The following ATR variants were observed in gnomAD, a reference collection of about 807,000 sequenced individuals.
The protein encoded by ATR is ATR checkpoint kinase.
Under a neutral mutation model 305.3 loss-of-function variants are expected in ATR, and 142 were observed. The ratio of observed to expected loss-of-function variants is 0.47; its 90% CI spans 0.41 to 0.53. The LOEUF (loss-of-function observed/expected upper bound fraction) is 0.53. Ranked by LOEUF, ATR falls within the 20% of genes least tolerant of loss-of-function variation. The pLI, the probability that ATR is intolerant of heterozygous loss-of-function variation, is 0.00. For synonymous variants in ATR, 1,050 were observed against 1,068.1 expected (o/e 0.98, Z 0.33); for missense variants, 2,135 against 3,133.1 (o/e 0.68, Z 7.60).
At chr3:142,474,771 T>C (rs1401159153) in intron 36 of ATR, among the ~76,000 whole-genome samples, 8 of 152,294 alleles carry the variant, frequency 5.3e-5, no homozygotes, top group Middle Eastern at 3.4e-3. Flanking sequence ...ATATTGAATA[T>C]AAGTGGCAAG....
rs746692662 is a variant in ATR, at chr3:142,562,260, T to A, written c.1142A>T (p.Asp381Val). The change falls in exon 4 of 47, where the codon GAT becomes GTT. Residue 381 changes from aspartate to valine, a missense_variant. Asp to Val is a radical substitution (Grantham distance 152). Transcript: ENST00000350721. ...YVRNICKALL[D>V]VLGIEVDAEY... Reference sequence around the variant, plus strand: ...TGCATCTACCTCAATTCCAAGCACATCCAAAAGAGCTTTACAAATATTTCT... The same window carrying A: ...TGCATCTACCTCAATTCCAAGCACAACCAAAAGAGCTTTACAAATATTTCT... The A allele has an allele frequency of 1.5e-5, 25 of 1,614,068 alleles. No homozygotes were observed. The highest frequency in any genetic ancestry group is 2.0e-5 in the Non-Finnish European group (24 of 1,179,986).
chr3:142,471,440 T>C lies in ATR; in HGVS notation c.6222-1257A>G, dbSNP rs973747771. The stretch of plus-strand genomic sequence containing the variant: ...TGTACAGATATCTTTTTGAGACCCA[T>C]AGAGACAGTTTAATGACATAGAATT... On this transcript the variant is annotated intron_variant, in intron 36 of 46. Transcript: ENST00000350721. Among the ~76,000 whole-genome samples the C allele has an allele frequency of 2.6e-5, 4 of 152,310 alleles. No homozygotes were observed. In the South Asian group the frequency reaches 6.2e-4, roughly 24 times the overall value.
chr3:142,530,887 A>G (rs2033612628), intron 21 of ATR, among the ~76,000 whole-genome samples: 1 of 152,156 alleles, frequency 6.6e-6, no homozygotes, highest in Admixed American at 6.5e-5. Flanking sequence ...ACTTATTTTC[A>G]GTAATGTTGC....
intron 6 of ATR, among the ~76,000 whole-genome samples, 183 bp downstream of exon 6, chr3:142,560,080 C>T (rs998100291): frequency 6.6e-6 from 1 of 152,130 alleles, no homozygotes; most frequent in Admixed American, 6.5e-5. Flanking sequence ...TAAATATTAA[C>T]TAAGATATAT....
intron 46 of ATR, chr3:142,451,398 G>C: frequency 1.4e-6 from 2 of 1,455,038 alleles, no homozygotes; most frequent in Non-Finnish European, 1.8e-6. Flanking sequence ...TGTAAACAGA[G>C]ATCTGAAGCC....
intron 23 of ATR, among the ~76,000 whole-genome samples, chr3:142,520,184 C>A (rs1262389774): frequency 6.6e-6 from 1 of 152,090 alleles, no homozygotes; most frequent in Non-Finnish European, 1.5e-5. Context: ...AGACAGTGAA[C>A]CTAATCGATA....
intron 1 of ATR, among the ~76,000 whole-genome samples, chr3:142,577,790 A>G (rs78491412): frequency 0.042 from 6,322 of 152,276 alleles, 432 homozygotes; most frequent in African/African-American, 0.14. Context: ...TGTTCGCAGT[A>G]GTGTAGAATT....
chr3:142,511,812 AT>A (rs2032584010), intron 27 of ATR, among the ~76,000 whole-genome samples: 1 of 151,936 alleles, frequency 6.6e-6, no homozygotes, highest in Non-Finnish European at 1.5e-5. Context: ...ACTATTACCC[AT>A]TTTAAAAATA....
chr3:142,469,603 G>C (rs1204850859), intron 37 of ATR, 34 bp from the exon 38 acceptor site: 3 of 1,554,602 alleles, frequency 1.9e-6, no homozygotes, highest in Non-Finnish European at 2.7e-6. Flanking sequence ...AAACAATAAA[G>C]GAAAGAGAAA....
chr3:142,577,731 T>C (rs1426796388), intron 1 of ATR, among the ~76,000 whole-genome samples: 1 of 152,264 alleles, frequency 6.6e-6, no homozygotes, highest in African/African-American at 2.4e-5. Flanking sequence ...GAAGCAGTTA[T>C]TCCAAATGAT....
intron 1 of ATR, among the ~76,000 whole-genome samples, chr3:142,578,019 C>T (rs913776077): frequency 1.6e-4 from 25 of 152,022 alleles, no homozygotes; most frequent in African/African-American, 5.6e-4. Context: ...TTTTGTGGAC[C>T]CAGGGGTCTA....
intron 29 of ATR, 86 bp downstream of exon 29, chr3:142,505,053 A>C (rs1398025075): frequency 7.8e-6 from 12 of 1,536,352 alleles, no homozygotes; most frequent in Non-Finnish European, 1.1e-5. Flanking sequence ...CAAAAACAAA[A>C]CAAAACAAAA....
At chr3:142,454,519 C>T (rs970428075) in intron 45 of ATR, among the ~76,000 whole-genome samples, 21 of 146,134 alleles carry the variant, frequency 1.4e-4, no homozygotes, top group African/African-American at 2.1e-4. Flanking sequence ...CGGCTCACTG[C>T]AGGCTCCGCC....
At chr3:142,508,236 T>C in intron 27 of ATR, 127 bp from the exon 28 acceptor site, 1 of 783,612 alleles carries the variant, frequency 1.3e-6, no homozygotes, top group South Asian at 2.0e-5. Context: ...ATATCATATT[T>C]AGAATGTAAC....
chr3:142,527,274 G>A (rs149764197), intron 21 of ATR, among the ~76,000 whole-genome samples: 129 of 151,510 alleles, frequency 8.5e-4, no homozygotes, highest in African/African-American at 2.8e-3. Context: ...TATACTCCAG[G>A]ACAATTTAAA....
chr3:142,559,401 G>T lies in ATR; in HGVS notation c.1582C>A (p.Pro528Thr), dbSNP rs200033739. 1.2e-5 allele frequency: 19 copies of T among 1,613,756 alleles called. No homozygotes were observed. The highest frequency in any genetic ancestry group is 1.4e-5 in the Non-Finnish European group (17 of 1,179,910). ...KDCQHKSKKK[P>T]SVVITWMSLD... The stretch of plus-strand genomic sequence containing the variant: ...GACATCCAAGTTATCACTACAGAAG[G>T]TTTCTTCTTGGATTTATGTTGACAG... The change falls in exon 7 of 47, where the codon CCT becomes ACT. Residue 528 changes from proline (P) to threonine (T), a missense_variant. By Grantham distance (38) the Pro-to-Thr change is conservative. This residue lies in a region of ATR where 744 missense variants were observed against 873.2 expected (regional missense o/e 0.85). Transcript: ENST00000350721.
chr3:142,559,014 C>G, intron 7 of ATR: 1 of 620,056 alleles, frequency 1.6e-6, no homozygotes. Context: ...TCCTCAAACT[C>G]CCAAATTAAA....
chr3:142,496,278 CTATATATATA>C (rs6148111), intron 34 of ATR, 73 bp downstream of exon 34: 14 of 115,138 alleles, frequency 1.2e-4, no homozygotes, highest in Admixed American at 2.8e-4. Context: ...TAATTCCCGA[CTATATATATA>C]TATATATATA....
Position 142,562,641 on chromosome 3 carries a change from T to C in ATR, c.761A>G (p.Glu254Gly), listed in dbSNP as rs35648400. ...IKSLAISFLT[E>G]LFQLGGLPAQ... ...TGGTAGTCCTCCAAGCTGAAAAAGT[T>C]CTGTTAAAAAGCTAATTGCTAGGGA... is the stretch of plus-strand genomic sequence containing the variant. Residue 254 changes from glutamate to glycine, a missense_variant, in exon 4 of 47, where the codon GAA (glutamate) becomes GGA (glycine). Physicochemically the swap from Glu to Gly is moderately conservative, Grantham distance 98. Transcript: ENST00000350721. The C allele has an allele frequency of 2.2e-4, 358 of 1,614,002 alleles. No individual in the cohort carries two copies. Among genetic ancestry groups the C allele is most frequent in the Non-Finnish European group, 2.9e-4 (345 of 1,180,000 alleles).
Sources: gnomAD v4.1 joint callset for allele counts (sites outside exome capture counted in the v4.1 genomes callset) on GRCh38, gnomAD v4.1.1 for gene constraint, gnomAD v4.1.1 regional missense constraint, MANE v1.5 for transcripts, NCBI Gene and HGNC (gene_info 2026-07-23, HGNC 2026-07-21) for gene names.